The following ATP8A2 variants were observed in gnomAD, a reference collection of about 807,000 sequenced individuals.
ATP8A2 encodes phospholipid-transporting ATPase IB.
Under a neutral mutation model 165.6 loss-of-function variants are expected in ATP8A2, and 100 were observed. The observed-to-expected ratio is 0.60, with a 90% CI of 0.51 to 0.71. ATP8A2 has a LOEUF of 0.71. Ranked by LOEUF, ATP8A2 falls within the 30% of genes least tolerant of loss-of-function variation. ATP8A2 has a pLI of 0.00. For missense variants in ATP8A2, 1,227 were observed against 1,479.5 expected (o/e 0.83, Z 2.80); for synonymous variants, 543 against 548.8 (o/e 0.99, Z 0.15).
intron 24 of ATP8A2, among the ~76,000 whole-genome samples, chr13:25,681,855 A>G (rs1332773906): frequency 6.6e-6 from 1 of 152,100 alleles, no homozygotes; most frequent in East Asian, 1.9e-4. Flanking sequence ...TTCCATTCTT[A>G]TCTGTCCTTG....
At chr13:25,742,636 C>T (rs1421927076) in intron 25 of ATP8A2, among the ~76,000 whole-genome samples, 2 of 151,348 alleles carry the variant, frequency 1.3e-5, no homozygotes, top group African/African-American at 2.4e-5. Flanking sequence ...TAATCCCCCC[C>T]ACACACCCCA....
intron 2 of ATP8A2, among the ~76,000 whole-genome samples, chr13:25,529,570 T>C (rs2037963648): frequency 6.6e-6 from 1 of 152,120 alleles, no homozygotes; most frequent in Admixed American, 6.6e-5. Flanking sequence ...AGCAAAAGTG[T>C]GAGCAAACAT....
At chr13:25,709,236 C>T (rs966343556) in intron 25 of ATP8A2, among the ~76,000 whole-genome samples, 2 of 152,166 alleles carry the variant, frequency 1.3e-5, no homozygotes, top group Middle Eastern at 3.2e-3. Flanking sequence ...TTCATAGTGG[C>T]GTCCTTTCAC....
chr13:25,554,338 C>T (rs1201545430), intron 12 of ATP8A2, among the ~76,000 whole-genome samples: 1 of 152,144 alleles, frequency 6.6e-6, no homozygotes, highest in Non-Finnish European at 1.5e-5. Context: ...TAAAGGACTG[C>T]CATGGCTCTT....
chr13:25,607,619 C>A (rs1192740082), intron 24 of ATP8A2, among the ~76,000 whole-genome samples: 3 of 152,264 alleles, frequency 2.0e-5, no homozygotes, highest in East Asian at 3.9e-4. Context: ...AGTTTAGTGA[C>A]CCCCTGCCCT....
intron 33 of ATP8A2, among the ~76,000 whole-genome samples, chr13:25,889,275 A>ATATATATATATATAT (rs1566239890): frequency 4.7e-4 from 40 of 84,876 alleles, no homozygotes; most frequent in African/African-American, 2.4e-3. Context: ...TATATATATA[A>ATATATATATATATAT]AATTTAAATG....
At chr13:25,555,345 G>A (rs771131789) in intron 13 of ATP8A2, among the ~76,000 whole-genome samples, 2 of 152,048 alleles carry the variant, frequency 1.3e-5, no homozygotes, top group Non-Finnish European at 2.9e-5. Flanking sequence ...CATTTGGGAC[G>A]CTTAAAAAAG....
intron 24 of ATP8A2, among the ~76,000 whole-genome samples, chr13:25,658,301 C>A (rs536556384): frequency 6.6e-6 from 1 of 152,144 alleles, no homozygotes; most frequent in African/African-American, 2.4e-5. Flanking sequence ...ACCAGACATT[C>A]CCCTTGCTTC....
intron 25 of ATP8A2, among the ~76,000 whole-genome samples, chr13:25,702,242 A>G (rs1301191184): frequency 6.6e-6 from 1 of 152,216 alleles, no homozygotes; most frequent in African/African-American, 2.4e-5. Context: ...ATCATGAAGC[A>G]TGTTCCTATC....
chr13:25,528,867 CAT>C (rs2037937140), intron 2 of ATP8A2, among the ~76,000 whole-genome samples: 3 of 146,076 alleles, frequency 2.1e-5, no homozygotes, highest in African/African-American at 7.8e-5. Flanking sequence ...CATGTGTATG[CAT>C]ACATATGCAA....
chr13:25,599,549 T>C (rs1387251311), intron 24 of ATP8A2, among the ~76,000 whole-genome samples: 1 of 152,262 alleles, frequency 6.6e-6, no homozygotes, highest in Non-Finnish European at 1.5e-5. Flanking sequence ...GTAATCACTC[T>C]GCCTCTGTCT....
At chr13:25,899,140 C>G (rs1349297183) in intron 33 of ATP8A2, among the ~76,000 whole-genome samples, 2 of 152,218 alleles carry the variant, frequency 1.3e-5, no homozygotes, top group Non-Finnish European at 2.9e-5. Flanking sequence ...GAACTGTAGA[C>G]TGGAGCTGTT....
At chr13:25,828,875 A>G in intron 28 of ATP8A2, among the ~76,000 whole-genome samples, 1 of 152,308 alleles carries the variant, frequency 6.6e-6, no homozygotes, top group Non-Finnish European at 1.5e-5. Context: ...ACTAAGGGGC[A>G]TGTAGAGCAC....
At chr13:25,941,425 A>G (rs1955069296) in intron 33 of ATP8A2, among the ~76,000 whole-genome samples, 1 of 151,944 alleles carries the variant, frequency 6.6e-6, no homozygotes, top group South Asian at 2.1e-4. Flanking sequence ...ACCCAAGCAC[A>G]CTGTTCTCCT....
chr13:25,531,374 GTT>G (rs1491361349), intron 4 of ATP8A2, among the ~76,000 whole-genome samples: 8 of 94,408 alleles, frequency 8.5e-5, no homozygotes, highest in African/African-American at 2.0e-4. Flanking sequence ...ATATATATAT[GTT>G]ATATATATGA....
chr13:25,924,665 A>G (rs1954548673), intron 33 of ATP8A2, among the ~76,000 whole-genome samples: 1 of 152,100 alleles, frequency 6.6e-6, no homozygotes. Flanking sequence ...TTAATGTATA[A>G]TGATATTTTT....
At chr13:25,818,923 C>T (rs538361293) in intron 27 of ATP8A2, among the ~76,000 whole-genome samples, 2 of 152,120 alleles carry the variant, frequency 1.3e-5, no homozygotes, top group African/African-American at 2.4e-5. Flanking sequence ...AAAATGAGTG[C>T]GGTGTGGTGA....
chr13:25,543,475 G>GC, intron 10 of ATP8A2, 73 bp downstream of exon 10: 1 of 1,004,494 alleles, frequency 1.0e-6, no homozygotes, highest in Non-Finnish European at 1.5e-6. Flanking sequence ...GGAAAATGCA[G>GC]ATGTTGCATT....
At chr13:25,620,769 G>T (rs181896427) in intron 24 of ATP8A2, among the ~76,000 whole-genome samples, 4 of 152,124 alleles carry the variant, frequency 2.6e-5, no homozygotes, top group African/African-American at 9.7e-5. Flanking sequence ...ATTTTAAGTC[G>T]AATAATTGAA....
Sources: allele counts gnomAD v4.1 joint callset (sites outside exome capture counted in the v4.1 genomes callset), GRCh38; gene constraint gnomAD v4.1.1; transcripts MANE v1.5; gene names NCBI Gene and HGNC (gene_info 2026-07-23, HGNC 2026-07-21).